The following CAST variants were observed in gnomAD, a reference collection of about 807,000 sequenced individuals.
The protein encoded by CAST is MIR583 host.
Under a neutral mutation model 119.6 loss-of-function variants are expected in CAST, and 76 were observed. The ratio of observed to expected loss-of-function variants is 0.64; its 90% CI spans 0.53 to 0.77. CAST has a LOEUF of 0.77. Among genes scored for constraint, CAST ranks in the 30% least tolerant of loss-of-function variants. CAST has a pLI of 0.00. For missense variants in CAST, 953 were observed against 946.5 expected (o/e 1.01, Z -0.09); for synonymous variants, 319 against 331.6 (o/e 0.96, Z 0.41).
chr5:96,688,758 T>C (rs969605247), intron 2 of CAST, among the ~76,000 whole-genome samples: 1 of 152,228 alleles, frequency 6.6e-6, no homozygotes, highest in Non-Finnish European at 1.5e-5. Flanking sequence ...TCCTACTTTT[T>C]TTAATCTTAA....
chr5:96,168,477 C>CT, the CAST span, among the ~76,000 whole-genome samples: 3 of 152,142 alleles, frequency 2.0e-5, no homozygotes, highest in African/African-American at 7.2e-5. Flanking sequence ...CGCGTAATTC[C>CT]TTTGCAAGAG....
the CAST span, among the ~76,000 whole-genome samples, chr5:96,081,759 G>A: frequency 6.6e-6 from 1 of 152,172 alleles, no homozygotes; most frequent in South Asian, 2.1e-4. Flanking sequence ...ACAGCCTGGA[G>A]AAATGGACCT....
chr5:96,176,021 G>A, the CAST span, among the ~76,000 whole-genome samples: 1 of 152,132 alleles, frequency 6.6e-6, no homozygotes, highest in African/African-American at 2.4e-5. Context: ...GGAAATTACA[G>A]GGAGCTAAGG....
the CAST span, among the ~76,000 whole-genome samples, chr5:96,511,389 G>T: frequency 6.6e-6 from 1 of 152,136 alleles, no homozygotes; most frequent in East Asian, 1.9e-4. Context: ...TGATCTACCT[G>T]CCTCGGCCTC....
At chr5:96,377,289 A>G in the CAST span, among the ~76,000 whole-genome samples, 1 of 152,164 alleles carries the variant, frequency 6.6e-6, no homozygotes, top group African/African-American at 2.4e-5. Context: ...TAGGCTAAGT[A>G]TACAGTGTTT....
the CAST span, among the ~76,000 whole-genome samples, chr5:96,291,843 CGTGTGTGTGTGTGTGTGTGT>C: frequency 1.5e-5 from 2 of 132,968 alleles, no homozygotes; most frequent in African/African-American, 5.6e-5. Context: ...TCCCAGTCTG[CGTGTGTGTGTGTGTGTGTGT>C]GTGTGTGTGT....
the CAST span, among the ~76,000 whole-genome samples, chr5:96,113,720 AG>A: frequency 1.3e-5 from 2 of 152,232 alleles, no homozygotes; most frequent in Non-Finnish European, 2.9e-5. Flanking sequence ...GCCAGTAAGG[AG>A]AGGCTTCCAG....
the CAST span, among the ~76,000 whole-genome samples, chr5:96,374,085 T>C: frequency 6.6e-6 from 1 of 152,192 alleles, no homozygotes; most frequent in Non-Finnish European, 1.5e-5. Context: ...TTTGGCACCT[T>C]ATGTAGAAAA....
At chr5:96,581,585 C>A (rs1348244600) in intron 1 of CAST, among the ~76,000 whole-genome samples, 1 of 152,122 alleles carries the variant, frequency 6.6e-6, no homozygotes, top group Non-Finnish European at 1.5e-5. Context: ...ATGTTTACTG[C>A]AAAGCCTTAA....
the CAST span, among the ~76,000 whole-genome samples, chr5:96,287,285 C>T: frequency 1.3e-5 from 2 of 152,128 alleles, no homozygotes; most frequent in African/African-American, 4.8e-5. Context: ...CTTCTCTCAA[C>T]CCTTACTTCA....
the CAST span, among the ~76,000 whole-genome samples, chr5:96,218,583 C>G: frequency 6.6e-6 from 1 of 152,346 alleles, no homozygotes; most frequent in Admixed American, 6.5e-5. Context: ...CAAAGCCTTT[C>G]CCAACTTCTG....
chr5:96,747,484 C>A, intron 18 of CAST, 92 bp downstream of exon 18: 1 of 853,010 alleles, frequency 1.2e-6, no homozygotes, highest in African/African-American at 1.7e-5. Flanking sequence ...ATTCACTGTG[C>A]AGACTTGCAT....
chr5:96,117,177 CT>C, the CAST span, among the ~76,000 whole-genome samples: 1 of 151,098 alleles, frequency 6.6e-6, no homozygotes, highest in Non-Finnish European at 1.5e-5. Flanking sequence ...ATTTTTTTTT[CT>C]TTATTGTGCT....
At chr5:96,030,191 T>C in the CAST span, among the ~76,000 whole-genome samples, 1 of 152,202 alleles carries the variant, frequency 6.6e-6, no homozygotes, top group African/African-American at 2.4e-5. Context: ...GTACTCTTTG[T>C]TACTTTACTG....
At chr5:96,037,773 G>C in the CAST span, among the ~76,000 whole-genome samples, 2 of 152,124 alleles carry the variant, frequency 1.3e-5, no homozygotes, top group Non-Finnish European at 2.9e-5. Flanking sequence ...TGGAGTTCTT[G>C]TTTGGGAACT....
At chr5:96,280,944 T>G in the CAST span, among the ~76,000 whole-genome samples, 184 of 152,268 alleles carry the variant, frequency 1.2e-3, no homozygotes, top group African/African-American at 4.4e-3. Flanking sequence ...TCCAGGGAAA[T>G]GTCTTGCAAG....
chr5:96,621,488 G>A (rs1561433115), intron 1 of CAST, among the ~76,000 whole-genome samples: 1 of 152,180 alleles, frequency 6.6e-6, no homozygotes, highest in Non-Finnish European at 1.5e-5. Flanking sequence ...ATGGTGGAAG[G>A]GGAAGCAGGC....
chr5:96,054,821 G>A, the CAST span, among the ~76,000 whole-genome samples: 3 of 152,158 alleles, frequency 2.0e-5, no homozygotes, highest in African/African-American at 7.2e-5. Context: ...TGTGGTGTGT[G>A]AAGAGCATGT....
intron 1 of CAST, among the ~76,000 whole-genome samples, chr5:96,587,603 A>T (rs2150190765): frequency 6.6e-6 from 1 of 152,358 alleles, no homozygotes; most frequent in Non-Finnish European, 1.5e-5. Flanking sequence ...CCAGTAGGAA[A>T]TGGGTAACCA....
Sources: allele counts gnomAD v4.1 joint callset (sites outside exome capture counted in the v4.1 genomes callset), GRCh38; gene constraint gnomAD v4.1.1; transcripts MANE v1.5; gene names NCBI Gene and HGNC (gene_info 2026-07-23, HGNC 2026-07-21).